The following PHLPP1 variants were observed in gnomAD, a reference collection of about 807,000 sequenced individuals.
PHLPP1 encodes PH domain and leucine rich repeat protein phosphatase 1.
Under a neutral mutation model 117.2 loss-of-function variants are expected in PHLPP1, and 42 were observed. That is an observed-to-expected ratio of 0.36 (90% CI 0.28 to 0.46). PHLPP1 has a LOEUF of 0.46. Ranked by LOEUF, PHLPP1 falls within the 20% of genes least tolerant of loss-of-function variation. PHLPP1 has a pLI of 1.00. For missense variants in PHLPP1, 2,084 were observed against 2,241.9 expected (o/e 0.93, Z 1.42); for synonymous variants, 1,042 against 970.7 (o/e 1.07, Z -1.37).
chr18:62,726,565 TTTCTG>T (rs1283524338), intron 1 of PHLPP1, among the ~76,000 whole-genome samples: 21 of 150,838 alleles, frequency 1.4e-4, no homozygotes, highest in African/African-American at 4.6e-4. Context: ...TTTCTTTCCT[TTTCTG>T]TTCTGTTCTG....
Position 62,916,605 on chromosome 18 carries a change from G to GGTGT in PHLPP1, c.2804+1620_2804+1623dup, listed in dbSNP as rs71340133. On this transcript the variant is annotated intron_variant, in intron 9 of 16. Coordinates refer to ENST00000262719, the MANE Select transcript of PHLPP1 (RefSeq NM_194449.4). Reference sequence around the variant, plus strand: ...AGCCATCACCATTAACAAGAGGGTGGGTGTGTGTGTGTGTGTGTGTGTGTG... The same window carrying GGTGT: ...AGCCATCACCATTAACAAGAGGGTGGGTGTGTGTGTGTGTGTGTGTGTGTGTGTG... Among the ~76,000 whole-genome samples the GGTGT allele has an allele frequency of 7.1e-3, 1,029 of 145,836 alleles. 6 individuals are homozygous for GGTGT. The highest frequency in any genetic ancestry group is 0.017 in the South Asian group (77 of 4,554).
intron 1 of PHLPP1, among the ~76,000 whole-genome samples, chr18:62,793,747 G>A (rs1443272153): frequency 6.6e-6 from 1 of 152,152 alleles, no homozygotes; most frequent in African/African-American, 2.4e-5. Context: ...GGTGGAGCCA[G>A]GACTCAAACA....
intron 6 of PHLPP1, among the ~76,000 whole-genome samples, chr18:62,900,600 G>C (rs1049919733): frequency 2.6e-5 from 4 of 151,280 alleles, no homozygotes; most frequent in Non-Finnish European, 5.9e-5. Flanking sequence ...CAAATAGCTG[G>C]GAGTATAGGC....
chr18:62,740,693 C>T (rs1310858923), intron 1 of PHLPP1, among the ~76,000 whole-genome samples: 1 of 152,222 alleles, frequency 6.6e-6, no homozygotes, highest in African/African-American at 2.4e-5. Flanking sequence ...ATAATTATGG[C>T]TGGGCATGGT....
At position 62,758,061 on chromosome 18, in the gene PHLPP1, C is replaced by T. The variant is rs911147998; in HGVS notation, c.1576+40802C>T. 9.9e-5 allele frequency among the ~76,000 whole-genome samples: 15 copies of T among 152,270 alleles called. No individual in the cohort carries two copies. In the East Asian group the frequency reaches 2.7e-3, roughly 27 times the overall value. ...GCAGCATGCATTTCGACCCCATGAG[C>T]GGAGCTTCTGCAAATGTAAAATGCC... is the stretch of plus-strand genomic sequence containing the variant. On this transcript the variant is annotated intron_variant, in intron 1 of 16. Transcript: ENST00000262719.
chr18:62,735,005 A>G (rs1367177903), intron 1 of PHLPP1, among the ~76,000 whole-genome samples: 4 of 152,054 alleles, frequency 2.6e-5, no homozygotes, highest in Admixed American at 2.6e-4. Context: ...GAAAAGTTCT[A>G]CAAACATCTT....
At chr18:62,953,343 C>T (rs557396265) in intron 12 of PHLPP1, among the ~76,000 whole-genome samples, 1 of 152,262 alleles carries the variant, frequency 6.6e-6, no homozygotes, top group East Asian at 1.9e-4. Context: ...TAGTGAGTTT[C>T]CTGATATGCC....
intron 3 of PHLPP1, among the ~76,000 whole-genome samples, chr18:62,848,713 C>T (rs547289830): frequency 5.1e-4 from 78 of 152,258 alleles, no homozygotes; most frequent in Middle Eastern, 3.4e-3. Flanking sequence ...GTCCTCCCAC[C>T]TTGGCCTCCC....
chr18:62,735,595 A>AACAACG (rs1911348628), intron 1 of PHLPP1, among the ~76,000 whole-genome samples: 1 of 152,132 alleles, frequency 6.6e-6, no homozygotes, highest in African/African-American at 2.4e-5. Flanking sequence ...CAACAACAAC[A>AACAACG]ACAACAACAA....
At chr18:62,837,019 T>A (rs1390306654) in intron 2 of PHLPP1, among the ~76,000 whole-genome samples, 1 of 152,190 alleles carries the variant, frequency 6.6e-6, no homozygotes, top group Non-Finnish European at 1.5e-5. Context: ...TTTTACTCCA[T>A]TGTACAGGTT....
At chr18:62,772,909 A>G (rs770881014) in intron 1 of PHLPP1, among the ~76,000 whole-genome samples, 2 of 151,984 alleles carry the variant, frequency 1.3e-5, no homozygotes, top group Non-Finnish European at 2.9e-5. Flanking sequence ...GTAACAAAAT[A>G]CAATCCTTAT....
chr18:62,731,864 C>T (rs1226597634), intron 1 of PHLPP1, among the ~76,000 whole-genome samples: 1 of 152,214 alleles, frequency 6.6e-6, no homozygotes, highest in Non-Finnish European at 1.5e-5. Context: ...ACAACATTCA[C>T]TTAATCCAAA....
chr18:62,863,942 C>G (rs1477581446), intron 4 of PHLPP1, among the ~76,000 whole-genome samples: 2 of 152,156 alleles, frequency 1.3e-5, no homozygotes, highest in African/African-American at 4.8e-5. Context: ...TGGAGTCACT[C>G]AGGTTCGAAT....
chr18:62,937,062 G>A (rs909334758), intron 10 of PHLPP1, among the ~76,000 whole-genome samples: 2 of 152,076 alleles, frequency 1.3e-5, no homozygotes, highest in Non-Finnish European at 2.9e-5. Context: ...TACAATACCT[G>A]GTATGTCTAC....
Position 62,975,455 on chromosome 18 carries a change from C to T in PHLPP1, c.3814C>T (p.His1272Tyr). 6.2e-7 allele frequency: 1 copy of T among 1,613,926 alleles called. No homozygotes were observed. Among genetic ancestry groups the T allele is most frequent in the African/African-American group, 1.3e-5 (1 of 75,054 alleles). The change falls in exon 16 of 17, where the codon CAT (histidine) becomes TAT (tyrosine). Residue 1272 changes from histidine (H) to tyrosine (Y), a missense_variant. His to Tyr is a moderately conservative substitution (Grantham distance 83). Transcript: ENST00000262719. ...TGCCGCTGTCCTTTGTCATATCAAGCATGACCCTGTGGATCCAGGAGGATC... is the reference window on the plus strand; with the variant it reads ...TGCCGCTGTCCTTTGTCATATCAAGTATGACCCTGTGGATCCAGGAGGATC... ...GGAAVLCHIK[H>Y]DPVDPGGSFT...
intron 12 of PHLPP1, among the ~76,000 whole-genome samples, chr18:62,955,697 A>G (rs896533199): frequency 1.1e-4 from 16 of 152,262 alleles, no homozygotes; most frequent in African/African-American, 3.9e-4. Flanking sequence ...TTGATAATTT[A>G]GAGAATGAGC....
rs1909406973 is a variant in PHLPP1, at chr18:62,919,808, A to G, written c.2805-151A>G. 8 of 637,888 alleles carry G rather than the reference A, an allele frequency of 1.3e-5. No individual in the cohort carries two copies. The South Asian group carries it at 1.6e-4, about 13-fold the overall frequency. 39.5% of individuals were successfully genotyped at this position (637,888 alleles called of 1,614,324 possible). Reference sequence around the variant, plus strand: ...TTTCCTTCCTCCTTTTTTTGAGTATATAGAAAGTATTGAAACAAATAGTTT... The same window carrying G: ...TTTCCTTCCTCCTTTTTTTGAGTATGTAGAAAGTATTGAAACAAATAGTTT... On this transcript the variant is annotated intron_variant, in intron 9 of 16. Transcript: ENST00000262719.
At chr18:62,828,519 T>G (rs1914670411) in intron 1 of PHLPP1, among the ~76,000 whole-genome samples, 1 of 152,120 alleles carries the variant, frequency 6.6e-6, no homozygotes, top group African/African-American at 2.4e-5. Flanking sequence ...TCAGCAAAAT[T>G]TTGTAGTGTG....
intron 1 of PHLPP1, among the ~76,000 whole-genome samples, chr18:62,778,016 T>G (rs1913012208): frequency 6.6e-6 from 1 of 152,202 alleles, no homozygotes; most frequent in South Asian, 2.1e-4. Flanking sequence ...TGTCACTTGT[T>G]GGAATCTCCA....
Sources: allele counts gnomAD v4.1 joint callset (sites outside exome capture counted in the v4.1 genomes callset), GRCh38; gene constraint gnomAD v4.1.1; transcripts MANE v1.5; gene names NCBI Gene and HGNC (gene_info 2026-07-23, HGNC 2026-07-21).